Variants in GPD1L observed in about 807,000 individuals in gnomAD.
The protein encoded by GPD1L is glycerol-3-phosphate dehydrogenase 1 like, also known as glycerol-3-phosphate dehydrogenase 1-like protein.
GPD1L carries 17 observed loss-of-function variants against 32.9 expected under a neutral mutation model. The ratio of observed to expected loss-of-function variants is 0.52; its 90% CI spans 0.35 to 0.78. GPD1L has a LOEUF of 0.78. GPD1L is among the 30% of genes least tolerant of loss of function. The probability of loss-of-function intolerance (pLI) is 0.01; values close to 1 mark genes in which losing one functional copy is unlikely to be tolerated. For synonymous variants in GPD1L, 187 were observed against 165.9 expected, an observed-to-expected ratio of 1.13 and a Z score of -0.98; for missense variants, 361 against 447.8, an observed-to-expected ratio of 0.81 and a Z score of 1.75.
At chr3:32,109,092 G>T (rs943192700) in intron 1 of GPD1L, among the ~76,000 whole-genome samples, 1 of 151,986 alleles carries the variant, frequency 6.6e-6, no homozygotes, top group Non-Finnish European at 1.5e-5. Context: ...CTCATGATCC[G>T]CCTGCCTCTT....
At chr3:32,130,658 C>T (rs1173490026) in intron 2 of GPD1L, among the ~76,000 whole-genome samples, 2 of 152,084 alleles carry the variant, frequency 1.3e-5, no homozygotes, top group Non-Finnish European at 2.9e-5. Context: ...CCTTTAGATC[C>T]GAATGAAAAG....
chr3:32,123,841 G>GATAGATAGATAGATAA lies in GPD1L; in HGVS notation c.48-4234_48-4233insTAGATAGATAGATAAA, dbSNP rs1559571599. 9.8e-5 allele frequency among the ~76,000 whole-genome samples: 10 copies of GATAGATAGATAGATAA among 102,122 alleles called. No individual in the cohort carries two copies. In the South Asian group the frequency reaches 1.0e-3, roughly 11 times the overall value. The allele number at this position is 102,122 out of a possible 152,430, so 67.0% of individuals were successfully genotyped here. ...AGATAGATAGATAGATAGATAGATA[G>GATAGATAGATAGATAA]ACAGACAGATAAGACCCATGCCTGA... On this transcript the variant is annotated intron_variant, in intron 1 of 7. Coordinates refer to ENST00000282541, the MANE Select transcript of GPD1L (RefSeq NM_015141.4).
chr3:32,162,385 CT>C (rs536879551), intron 7 of GPD1L, among the ~76,000 whole-genome samples: 23 of 121,142 alleles, frequency 1.9e-4, no homozygotes, highest in Admixed American at 3.0e-4. Flanking sequence ...ATTACCTTTT[CT>C]TTTTTTTTTT....
At chr3:32,150,169 T>C (rs1171188603) in intron 5 of GPD1L, among the ~76,000 whole-genome samples, 1 of 152,206 alleles carries the variant, frequency 6.6e-6, no homozygotes, top group Non-Finnish European at 1.5e-5. Context: ...TGCCATCGTT[T>C]GCATTTTCTA....
intron 1 of GPD1L, among the ~76,000 whole-genome samples, chr3:32,124,265 C>A (rs1022624713): frequency 6.6e-6 from 1 of 152,186 alleles, no homozygotes; most frequent in Non-Finnish European, 1.5e-5. Flanking sequence ...CAGGGTTTCA[C>A]CATGTTGGCC....
rs1046071601 is a variant in GPD1L, at chr3:32,128,143, A to C, written c.115A>C (p.Lys39Gln). The C allele has an allele frequency of 6.2e-7, 1 of 1,610,378 alleles. No homozygotes were observed. The highest frequency in any genetic ancestry group is 1.3e-5 in the African/African-American group (1 of 74,882). The change falls in exon 2 of 8, where the codon AAG becomes CAG. Residue 39 changes from lysine to glutamine, a missense_variant. By Grantham distance (53) the Lys-to-Gln change is moderately conservative. Transcript: ENST00000282541. ...ACTTCAGAAATTTGCCTCCACAGTC[A>C]AGATGTGGGTCTTTGAAGAAACAGT... is the stretch of plus-strand genomic sequence containing the variant. ...KKLQKFASTV[K>Q]MWVFEETVNG...
intron 1 of GPD1L, among the ~76,000 whole-genome samples, chr3:32,121,505 C>CTATATATATTTA (rs1559570450): frequency 1.5e-5 from 1 of 65,930 alleles, no homozygotes; most frequent in South Asian, 6.7e-4. Context: ...ATATTTCTCT[C>CTATATATATTTA]TATATATATT....
chr3:32,165,928 G>T lies in GPD1L; in HGVS notation c.*18G>T, dbSNP rs12629676. 1.5e-3 allele frequency: 1,952 copies of T among 1,330,070 alleles called. 53 individuals carry two copies. The East Asian group carries it at 0.039, about 27-fold the overall frequency. 82.4% of individuals were successfully genotyped at this position (1,330,070 alleles called of 1,614,324 possible). On this transcript the variant is annotated 3_prime_UTR_variant, in exon 8 of 8. Transcript: ENST00000282541. ...ATACATAAAGTGAATCATGCAACGT[G>T]TTGGGGGAAGTTCTGCCTTTCTGAT...
rs188752124 is a variant in GPD1L at position 32,111,752 on chromosome 3, G to A, written c.47+4994G>A. ...ACAGCCTGACATTTTCTCTGATACCGAAGGTCAAGGAGAGCTTTGGCCCAC... is the reference window on the plus strand; with the variant it reads ...ACAGCCTGACATTTTCTCTGATACCAAAGGTCAAGGAGAGCTTTGGCCCAC... On this transcript the variant is annotated intron_variant, in intron 1 of 7. Transcript: ENST00000282541. Among the ~76,000 whole-genome samples the A allele has an allele frequency of 3.8e-3, 572 of 151,642 alleles. 5 individuals carry two copies. Among genetic ancestry groups the A allele is most frequent in the African/African-American group, 0.013 (542 of 41,346 alleles).
chr3:32,145,304 G>A (rs1457763194), intron 4 of GPD1L, among the ~76,000 whole-genome samples: 1 of 151,734 alleles, frequency 6.6e-6, no homozygotes, highest in East Asian at 2.0e-4. Context: ...GGGCAACACA[G>A]CAACTCTGTC....
At chr3:32,154,608 A>C (rs1700962256) in intron 5 of GPD1L, among the ~76,000 whole-genome samples, 1 of 152,158 alleles carries the variant, frequency 6.6e-6, no homozygotes, top group Admixed American at 6.5e-5. Flanking sequence ...TGTGTGCTTC[A>C]GTTTCCTATC....
intron 3 of GPD1L, among the ~76,000 whole-genome samples, chr3:32,139,683 T>C (rs1408049674): frequency 6.6e-6 from 1 of 152,018 alleles, no homozygotes. Flanking sequence ...AGCAAGAGAG[T>C]AGACAAATGA....
At chr3:32,154,395 G>A (rs1204584850) in intron 5 of GPD1L, among the ~76,000 whole-genome samples, 1 of 152,168 alleles carries the variant, frequency 6.6e-6, no homozygotes, top group East Asian at 1.9e-4. Context: ...ACACTGCTTT[G>A]GAGCTCAGGG....
At chr3:32,151,119 TC>T in intron 5 of GPD1L, 1 of 497,092 alleles carries the variant, frequency 2.0e-6, no homozygotes, top group Non-Finnish European at 4.0e-6. Context: ...TCCCAGCAGC[TC>T]AGGCTCCTTC....
chr3:32,150,498 CT>C (rs559342674), intron 5 of GPD1L, among the ~76,000 whole-genome samples: 19,973 of 141,716 alleles, frequency 0.14, 1,458 homozygotes, highest in African/African-American at 0.22. Flanking sequence ...TTCTTAACAA[CT>C]TTTTTTTTTT....
chr3:32,107,715 T>G (rs577140907), intron 1 of GPD1L, among the ~76,000 whole-genome samples: 1 of 152,284 alleles, frequency 6.6e-6, no homozygotes, highest in African/African-American at 2.4e-5. Flanking sequence ...TGGTCTTAGT[T>G]TTACTCTTTC....
At chr3:32,112,519 C>T (rs1700267328) in intron 1 of GPD1L, among the ~76,000 whole-genome samples, 8 of 152,110 alleles carry the variant, frequency 5.3e-5, no homozygotes. Context: ...CGCCTGTAGT[C>T]CCACCCACTT....
intron 4 of GPD1L, among the ~76,000 whole-genome samples, chr3:32,143,603 G>T (rs901377187): frequency 6.6e-6 from 1 of 152,190 alleles, no homozygotes; most frequent in African/African-American, 2.4e-5. Context: ...TAGCACTTTG[G>T]GAGGCCAAGG....
intron 7 of GPD1L, among the ~76,000 whole-genome samples, chr3:32,163,135 T>C (rs1701093975): frequency 1.3e-5 from 2 of 148,586 alleles, no homozygotes; most frequent in Admixed American, 6.8e-5. Flanking sequence ...TATTGATTAG[T>C]GGGATAGCTG....
Sources: gnomAD v4.1 joint callset for allele counts (sites outside exome capture counted in the v4.1 genomes callset) on GRCh38, gnomAD v4.1.1 for gene constraint, MANE v1.5 for transcripts, NCBI Gene and HGNC (gene_info 2026-07-23, HGNC 2026-07-21) for gene names.